SVIL: variants seen among roughly 807,000 people sequenced by gnomAD.
SVIL encodes supervillin.
SVIL carries 101 observed loss-of-function variants against 240.4 expected under a neutral mutation model. The observed-to-expected ratio is 0.42, with a 90% CI of 0.36 to 0.50. SVIL has a LOEUF of 0.50. SVIL is among the 20% of genes least tolerant of loss of function. The pLI is 0.01. For missense variants in SVIL, 2,512 were observed against 2,818.7 expected (o/e 0.89, Z 2.46); for synonymous variants, 999 against 1,100.0 (o/e 0.91, Z 1.82).
At chr10:29,485,869 C>A (rs1417620429) in intron 26 of SVIL, among the ~76,000 whole-genome samples, 1 of 152,174 alleles carries the variant, frequency 6.6e-6, no homozygotes, top group Non-Finnish European at 1.5e-5. Context: ...ATGATCCATG[C>A]CAACTCTAAA....
rs1945114119 is a variant in SVIL, at chr10:29,467,949, A to G, written c.5844-74T>C. The G allele has an allele frequency of 8.1e-6, 12 of 1,485,818 alleles. No individual in the cohort carries two copies. The South Asian group carries it at 1.3e-4, about 16-fold the overall frequency. The allele number at this position is 1,485,818 out of a possible 1,614,324, so 92.0% of individuals were successfully genotyped here. A position where few individuals can be genotyped will look rare whatever the true frequency, so the allele number is the denominator to read the frequency against. On this transcript the variant is annotated intron_variant, in intron 32 of 37. Coordinates refer to ENST00000355867, the MANE Select transcript of SVIL (RefSeq NM_021738.3). ...GTGACCCAAAATTATTATTACTATT[A>G]TGATAACAGCTTTATAATAGCTTTA...
At chr10:29,568,768 C>T (rs1955195571) in intron 2 of SVIL, among the ~76,000 whole-genome samples, 1 of 150,394 alleles carries the variant, frequency 6.6e-6, no homozygotes, top group South Asian at 2.2e-4. Context: ...AAGAATAACT[C>T]ACATGGATGG....
chr10:29,511,726 A>G (rs1191517876), intron 17 of SVIL, among the ~76,000 whole-genome samples: 5 of 152,230 alleles, frequency 3.3e-5, no homozygotes, highest in African/African-American at 1.2e-4. Flanking sequence ...AACACCATGT[A>G]TGTCTCAAAG....
At chr10:29,694,813 G>T (rs1447705790) in intron 1 of SVIL, among the ~76,000 whole-genome samples, 1 of 152,166 alleles carries the variant, frequency 6.6e-6, no homozygotes, top group Non-Finnish European at 1.5e-5. Context: ...GAAGAACTTG[G>T]AATTTATAGG....
At chr10:29,515,673 T>C (rs1235060319) in intron 16 of SVIL, among the ~76,000 whole-genome samples, 2 of 152,180 alleles carry the variant, frequency 1.3e-5, no homozygotes, top group Non-Finnish European at 2.9e-5. Flanking sequence ...CAGATTGGAT[T>C]CAAATGATGA....
At chr10:29,522,729 C>A (rs1384035392) in intron 15 of SVIL, 94 bp from the exon 16 acceptor site, 1 of 1,391,318 alleles carries the variant, frequency 7.2e-7, no homozygotes, top group Non-Finnish European at 9.8e-7. Flanking sequence ...AGGGTTCAAT[C>A]CGTGGGCACA....
intron 1 of SVIL, among the ~76,000 whole-genome samples, chr10:29,700,296 C>T (rs1962407739): frequency 6.6e-6 from 1 of 152,044 alleles, no homozygotes; most frequent in Non-Finnish European, 1.5e-5. Context: ...TCCCTGCAAA[C>T]ACTCCAACCT....
chr10:29,503,640 T>C (rs187918962), intron 17 of SVIL, among the ~76,000 whole-genome samples: 11 of 152,376 alleles, frequency 7.2e-5, no homozygotes, highest in Admixed American at 7.2e-4. Context: ...ATATAATTTT[T>C]TGAAATTTTA....
intron 3 of SVIL, among the ~76,000 whole-genome samples, chr10:29,652,110 A>G (rs562242581): frequency 1.5e-4 from 23 of 152,320 alleles, no homozygotes; most frequent in African/African-American, 5.5e-4. Context: ...ATGGTTTTTA[A>G]TATATTCACG....
At chr10:29,490,175 C>T (rs934022875) in intron 22 of SVIL, among the ~76,000 whole-genome samples, 3 of 152,220 alleles carry the variant, frequency 2.0e-5, no homozygotes, top group African/African-American at 4.8e-5. Context: ...CAGCCCACAT[C>T]CCAACTCCGA....
At chr10:29,696,356 C>T (rs562209048) in intron 1 of SVIL, among the ~76,000 whole-genome samples, 1 of 152,258 alleles carries the variant, frequency 6.6e-6, no homozygotes, top group East Asian at 2.0e-4. Flanking sequence ...GAGATTGCAG[C>T]CCCTGCCCGG....
chr10:29,650,131 G>C (rs1261243766), intron 3 of SVIL, among the ~76,000 whole-genome samples: 4 of 152,196 alleles, frequency 2.6e-5, no homozygotes, highest in Admixed American at 2.6e-4. Context: ...ATGGCAGCAC[G>C]AAGTGGACTT....
chr10:29,714,638 A>G (rs1354480854), intron 1 of SVIL, among the ~76,000 whole-genome samples: 2 of 152,096 alleles, frequency 1.3e-5, no homozygotes, highest in Non-Finnish European at 2.9e-5. Flanking sequence ...TTGGAGATAA[A>G]AGAAAGTTTA....
At chr10:29,505,166 T>C (rs1395556986) in intron 17 of SVIL, among the ~76,000 whole-genome samples, 10 of 151,916 alleles carry the variant, frequency 6.6e-5, no homozygotes, top group Non-Finnish European at 1.3e-4. Context: ...CTACTAAAAA[T>C]ACAAAACAAT....
At chr10:29,626,387 C>T (rs1957870332) in intron 1 of SVIL, among the ~76,000 whole-genome samples, 1 of 152,102 alleles carries the variant, frequency 6.6e-6, no homozygotes, top group Admixed American at 6.5e-5. Context: ...AATTTTGTTT[C>T]CCACCGCTCT....
chr10:29,667,978 T>C (rs1432635791), intron 2 of SVIL, among the ~76,000 whole-genome samples: 1 of 152,212 alleles, frequency 6.6e-6, no homozygotes. Flanking sequence ...AATTATCTCA[T>C]GGAATAGGGC....
intron 20 of SVIL, among the ~76,000 whole-genome samples, chr10:29,493,874 A>C (rs1948191194): frequency 6.6e-6 from 1 of 152,158 alleles, no homozygotes; most frequent in Non-Finnish European, 1.5e-5. Context: ...TTTCAATAAA[A>C]CTTTATTTAC....
intron 1 of SVIL, among the ~76,000 whole-genome samples, chr10:29,585,453 T>C (rs1306163823): frequency 6.6e-6 from 1 of 152,092 alleles, no homozygotes; most frequent in African/African-American, 2.4e-5. Flanking sequence ...TCTCCTAACA[T>C]GCTGGGATTA....
intron 22 of SVIL, among the ~76,000 whole-genome samples, chr10:29,490,582 CT>C (rs1347161661): frequency 0.022 from 2,110 of 97,232 alleles, 70 homozygotes; most frequent in African/African-American, 0.092. Flanking sequence ...AACCCCCAGT[CT>C]TTAAAAAAAA....
Sources: gnomAD v4.1 joint callset for allele counts (sites outside exome capture counted in the v4.1 genomes callset) on GRCh38, gnomAD v4.1.1 for gene constraint, MANE v1.5 for transcripts, NCBI Gene and HGNC (gene_info 2026-07-23, HGNC 2026-07-21) for gene names.